Variants in DOCK1 observed in about 807,000 individuals in gnomAD.
DOCK1 encodes the protein dedicator of cytokinesis protein 1.
In DOCK1, 138 loss-of-function variants were observed where a neutral mutation model predicts 262.7. That is an observed-to-expected ratio of 0.53 (90% confidence interval 0.46 to 0.61). The LOEUF (loss-of-function observed/expected upper bound fraction) is 0.61. Among genes scored for constraint, DOCK1 ranks in the 20% least tolerant of loss-of-function variants. The pLI is 0.00. For synonymous variants in DOCK1, 866 were observed against 867.4 expected (o/e 1.00, Z 0.03); for missense variants, 1,908 against 2,370.7 (o/e 0.80, Z 4.05).
Position 127,418,527 on chromosome 10 carries a change from G to A in DOCK1, c.4678G>A (p.Ala1560Thr), listed in dbSNP as rs370120157. Residue 1560 changes from alanine to threonine, a missense_variant, in exon 45 of 52, where the codon GCA (alanine) becomes ACA (threonine). Ala to Thr is a moderately conservative substitution (Grantham distance 58, BLOSUM62 0). Transcript: ENST00000623213. ...GGACCCAGCTGTCATGGGGGGCTTC[G>A]CAAACTACGAAAAGGTACGGGACCC... ...IVDPAVMGGF[A>T]NYEKAFFTDR... is the part of the protein sequence containing the mutation. 30 of 1,613,446 alleles carry A rather than the reference G, an allele frequency of 1.9e-5. No homozygotes were observed. In the South Asian group the frequency reaches 2.2e-4, roughly 12 times the overall value.
intron 21 of DOCK1, among the ~76,000 whole-genome samples, chr10:127,052,334 G>C (rs542809108): frequency 6.6e-6 from 1 of 152,080 alleles, no homozygotes; most frequent in African/African-American, 2.4e-5. Flanking sequence ...AGACCAGCCC[G>C]GGCAAATGGT....
chr10:127,289,722 A>G (rs1340944115), intron 29 of DOCK1, among the ~76,000 whole-genome samples: 1 of 152,108 alleles, frequency 6.6e-6, no homozygotes, highest in Non-Finnish European at 1.5e-5. Flanking sequence ...GTTTGTTTCT[A>G]TACTGCTTAG....
chr10:127,362,724 G>A (rs902176964), intron 33 of DOCK1, among the ~76,000 whole-genome samples: 3 of 152,136 alleles, frequency 2.0e-5, no homozygotes, highest in Non-Finnish European at 4.4e-5. Flanking sequence ...CAGCATGAGG[G>A]ACAAACTCTG....
intron 28 of DOCK1, among the ~76,000 whole-genome samples, chr10:127,250,238 A>C (rs1050576392): frequency 4.6e-5 from 7 of 152,224 alleles, no homozygotes; most frequent in African/African-American, 1.7e-4. Flanking sequence ...AAAAGTCCCC[A>C]CGTGCAAACA....
At chr10:127,442,837 C>T (rs1403844475) in intron 49 of DOCK1, among the ~76,000 whole-genome samples, 1 of 152,246 alleles carries the variant, frequency 6.6e-6, no homozygotes, top group East Asian at 1.9e-4. Context: ...TGTGTCCTTG[C>T]TGGCTATCTG....
rs1399836078 is a variant in DOCK1, at chr10:127,190,664, TTCCCCC to T, written c.2848-57343_2848-57338del. Among the ~76,000 whole-genome samples the T allele has an allele frequency of 5.9e-3, 90 of 15,260 alleles. 7 individuals carry two copies. The highest frequency in any genetic ancestry group is 9.4e-3 in the South Asian group (3 of 320). 10.0% of individuals were successfully genotyped at this position (15,260 alleles called of 152,430 possible). ...TCAAATATTTAATAGAAATCCTATC[TTCCCCC>T]CCCCCCCCCCCCCGTTCCTGCTGGC... On this transcript the variant is annotated intron_variant, in intron 27 of 51. Transcript: ENST00000623213.
intron 27 of DOCK1, among the ~76,000 whole-genome samples, chr10:127,129,308 T>C (rs2050162750): frequency 6.6e-6 from 1 of 152,208 alleles, no homozygotes; most frequent in African/African-American, 2.4e-5. Context: ...ATTTTCCTTT[T>C]TAAAGTGTTT....
At chr10:126,906,745 C>T (rs1452077980) in intron 1 of DOCK1, among the ~76,000 whole-genome samples, 3 of 152,202 alleles carry the variant, frequency 2.0e-5, no homozygotes, top group African/African-American at 7.2e-5. Flanking sequence ...AGCGCCCTGG[C>T]AGCCCTTGTC....
At chr10:127,053,444 A>G (rs964457475) in intron 22 of DOCK1, among the ~76,000 whole-genome samples, 4 of 152,234 alleles carry the variant, frequency 2.6e-5, no homozygotes, top group African/African-American at 9.6e-5. Context: ...TTTCCTCAGT[A>G]GAGTGATGTT....
At chr10:127,417,825 C>A (rs1415752311) in intron 44 of DOCK1, among the ~76,000 whole-genome samples, 2 of 152,124 alleles carry the variant, frequency 1.3e-5, no homozygotes, top group African/African-American at 4.8e-5. Flanking sequence ...ACCCGCCCAC[C>A]TCAGCCTCCC....
intron 12 of DOCK1, 144 bp from the exon 13 acceptor site, chr10:127,018,566 C>T: frequency 7.5e-7 from 1 of 1,326,144 alleles, no homozygotes; most frequent in Non-Finnish European, 1.0e-6. Flanking sequence ...TTGCCTTGCC[C>T]CTCTCTTTCT....
chr10:127,230,444 A>G (rs1042048645), intron 27 of DOCK1, among the ~76,000 whole-genome samples: 3 of 152,150 alleles, frequency 2.0e-5, no homozygotes, highest in East Asian at 1.9e-4. Flanking sequence ...ATTATTGTAT[A>G]TGGTATGAGA....
At chr10:127,406,112 A>G (rs1184025952) in intron 40 of DOCK1, among the ~76,000 whole-genome samples, 1 of 152,174 alleles carries the variant, frequency 6.6e-6, no homozygotes, top group Non-Finnish European at 1.5e-5. Flanking sequence ...ACCCTAAGCC[A>G]TGCAGCCTTG....
In DOCK1 at chr10:127,215,292, C is replaced by G. The variant is rs566491257; in HGVS notation, c.2848-32716C>G. On this transcript the variant is annotated intron_variant, in intron 27 of 51. Transcript: ENST00000623213. ...CTTCCTGCCCTGCCCTGTCTTCCTT[C>G]CCCTGGTCCACTGGCCTCGGGTTTC... 2.2e-4 allele frequency among the ~76,000 whole-genome samples: 34 copies of G among 152,266 alleles called. No homozygotes were observed. In the South Asian group the frequency reaches 7.0e-3, roughly 32 times the overall value.
intron 31 of DOCK1, among the ~76,000 whole-genome samples, chr10:127,350,441 A>G (rs1296981996): frequency 1.3e-5 from 2 of 151,830 alleles, no homozygotes; most frequent in African/African-American, 2.4e-5. Context: ...GCTCTTCCCT[A>G]CCCTCTTCGT....
At chr10:126,981,286 C>T (rs1322879082) in intron 3 of DOCK1, among the ~76,000 whole-genome samples, 1 of 152,174 alleles carries the variant, frequency 6.6e-6, no homozygotes, top group Non-Finnish European at 1.5e-5. Context: ...ACAGAATGTG[C>T]CTGAGGCTGA....
intron 29 of DOCK1, among the ~76,000 whole-genome samples, chr10:127,304,684 A>G (rs1439010305): frequency 6.6e-6 from 1 of 152,118 alleles, no homozygotes; most frequent in Non-Finnish European, 1.5e-5. Context: ...CAGGTGTTTG[A>G]GACCAGCCTG....
chr10:127,248,254 C>T, intron 28 of DOCK1, 145 bp downstream of exon 28: 1 of 758,426 alleles, frequency 1.3e-6, no homozygotes, highest in Non-Finnish European at 2.1e-6. Flanking sequence ...CTGGGAAGGT[C>T]TGACTGAAGC....
intron 27 of DOCK1, among the ~76,000 whole-genome samples, chr10:127,211,454 G>A (rs1412298982): frequency 1.3e-5 from 2 of 152,158 alleles, no homozygotes; most frequent in African/African-American, 2.4e-5. Flanking sequence ...TGTCTTTATA[G>A]ACATCGCCAT....
Sources: gnomAD v4.1 joint callset for allele counts (sites outside exome capture counted in the v4.1 genomes callset) on GRCh38, gnomAD v4.1.1 for gene constraint, MANE v1.5 for transcripts, NCBI Gene and HGNC (gene_info 2026-07-23, HGNC 2026-07-21) for gene names.